The following BRINP3 variants were observed in gnomAD, a reference collection of about 807,000 sequenced individuals.
BRINP3 encodes the protein BMP/retinoic acid-inducible neural-specific protein 3.
A neutral mutation model predicts 71.0 loss-of-function variants in BRINP3; 19 were observed. That is an observed-to-expected ratio of 0.27 (90% CI 0.19 to 0.39). The LOEUF (loss-of-function observed/expected upper bound fraction) is 0.39, where lower values mean the gene tolerates loss of function less well. Ranked by LOEUF, BRINP3 falls within the 10% of genes least tolerant of loss-of-function variation. The pLI is 1.00. For missense variants in BRINP3, 959 were observed against 940.8 expected (o/e 1.02, Z -0.25); for synonymous variants, 380 against 337.7 (o/e 1.13, Z -1.37).
At chr1:190,128,330 T>C (rs1011332584) in intron 7 of BRINP3, among the ~76,000 whole-genome samples, 2 of 151,824 alleles carry the variant, frequency 1.3e-5, no homozygotes, top group African/African-American at 4.8e-5. Flanking sequence ...TTTTTGTAAT[T>C]ACATAACTTC....
chr1:190,143,538 G>A (rs1655635439), intron 7 of BRINP3, among the ~76,000 whole-genome samples: 1 of 152,112 alleles, frequency 6.6e-6, no homozygotes, highest in Admixed American at 6.6e-5. Flanking sequence ...TGTTCTGAGA[G>A]GGATGCTTCA....
chr1:190,134,294 A>G (rs953749558), intron 7 of BRINP3, among the ~76,000 whole-genome samples: 2 of 152,064 alleles, frequency 1.3e-5, no homozygotes, highest in East Asian at 1.9e-4. Flanking sequence ...TAGAGTGCAG[A>G]TGCCTCGGCT....
Position 190,097,928 on chromosome 1 carries a change from A to C in BRINP3, c.*90T>G, listed in dbSNP as rs1651343088. ...GATATAAGACAGATATTGAAAAGAC[A>C]ATTTAAATTTACTCTTCCAAACATA... On this transcript the variant is annotated 3_prime_UTR_variant, in exon 8 of 8. Coordinates refer to ENST00000367462, the MANE Select transcript of BRINP3 (RefSeq NM_199051.3). The C allele has an allele frequency of 1.5e-6, 2 of 1,358,262 alleles. No homozygotes were observed. The highest frequency in any genetic ancestry group is 1.4e-5 in the South Asian group (1 of 70,522). The allele number at this position is 1,358,262 out of a possible 1,614,324, so 84.1% of individuals were successfully genotyped here.
chr1:190,322,210 G>C (rs1666290720), intron 2 of BRINP3, among the ~76,000 whole-genome samples: 1 of 151,876 alleles, frequency 6.6e-6, no homozygotes, highest in South Asian at 2.1e-4. Flanking sequence ...AATTTGTTTT[G>C]CACCTTATCT....
intron 2 of BRINP3, among the ~76,000 whole-genome samples, chr1:190,452,413 C>A (rs1052622435): frequency 2.0e-5 from 3 of 152,166 alleles, no homozygotes; most frequent in African/African-American, 7.2e-5. Context: ...ATAAGTAGCA[C>A]AGGGCTAATG....
rs572838399 is a variant in BRINP3 at position 190,437,199 on chromosome 1, C to T, written c.236+17456G>A. ...TTTTGAAATTTTACTTGTGAAAATACCCGGTTTCTAGTTCTCTTATCCAAC... is the reference window on the plus strand; with the variant it reads ...TTTTGAAATTTTACTTGTGAAAATATCCGGTTTCTAGTTCTCTTATCCAAC... On this transcript the variant is annotated intron_variant, in intron 2 of 7. Coordinates refer to ENST00000367462, the MANE Select transcript of BRINP3 (RefSeq NM_199051.3). 7.9e-5 allele frequency among the ~76,000 whole-genome samples: 12 copies of T among 151,666 alleles called. No homozygotes were observed. In the South Asian group the frequency reaches 2.5e-3, roughly 31 times the overall value.
intron 7 of BRINP3, among the ~76,000 whole-genome samples, chr1:190,132,813 A>G (rs923921901): frequency 3.9e-5 from 6 of 152,138 alleles, no homozygotes; most frequent in Non-Finnish European, 8.8e-5. Flanking sequence ...AAATGACTGT[A>G]ACTTCTGAGA....
rs539010004 is a variant in BRINP3 at position 190,206,335 on chromosome 1, A to C, written c.961+19747T>G. 3.3e-5 allele frequency among the ~76,000 whole-genome samples: 5 copies of C among 152,184 alleles called. No homozygotes were observed. The South Asian group carries it at 8.3e-4, about 25-fold the overall frequency. On this transcript the variant is annotated intron_variant, in intron 6 of 7. Coordinates refer to ENST00000367462, the MANE Select transcript of BRINP3 (RefSeq NM_199051.3). The stretch of plus-strand genomic sequence containing the variant: ...CCTATTCTGCTAAATAAATAAATAA[A>C]TAAATAAATGTCAATGAGCAGTAAG...
At chr1:190,288,794 A>C (rs1663631724) in intron 2 of BRINP3, among the ~76,000 whole-genome samples, 1 of 151,960 alleles carries the variant, frequency 6.6e-6, no homozygotes, top group African/African-American at 2.4e-5. Context: ...ATAAGTAAAA[A>C]TTTACAAAAG....
intron 2 of BRINP3, among the ~76,000 whole-genome samples, chr1:190,310,123 C>T (rs1481313111): frequency 2.7e-5 from 4 of 148,268 alleles, no homozygotes; most frequent in African/African-American, 7.4e-5. Context: ...TTTTTAAGTG[C>T]AGTTCTAACA....
chr1:190,471,873 T>C (rs1677161061), intron 1 of BRINP3, among the ~76,000 whole-genome samples: 3 of 151,448 alleles, frequency 2.0e-5, no homozygotes, highest in African/African-American at 7.2e-5. Context: ...TAACAACTAA[T>C]ATGCCTCAGG....
In BRINP3 at chr1:190,114,565, T is replaced by G. The variant is rs150445418; in HGVS notation, c.1185-15431A>C. Among the ~76,000 whole-genome samples the G allele has an allele frequency of 1.1e-3, 160 of 150,202 alleles. 1 individual carries two copies. Among genetic ancestry groups the G allele is most frequent in the African/African-American group, 3.7e-3 (151 of 40,838 alleles). ...GTGTGTGTGTGTGTGTGTGTGTGCA[T>G]GTGTGTTTGCATTTCTACTGGTCTC... On this transcript the variant is annotated intron_variant, in intron 7 of 7. Coordinates refer to ENST00000367462, the MANE Select transcript of BRINP3 (RefSeq NM_199051.3).
chr1:190,354,997 C>G (rs994302458), intron 2 of BRINP3, among the ~76,000 whole-genome samples: 2 of 151,846 alleles, frequency 1.3e-5, no homozygotes, highest in Admixed American at 6.6e-5. Context: ...TCAGCTACCT[C>G]TATCCTAGTC....
intron 6 of BRINP3, among the ~76,000 whole-genome samples, chr1:190,182,321 G>T (rs190996551): frequency 6.6e-6 from 1 of 152,134 alleles, no homozygotes; most frequent in Non-Finnish European, 1.5e-5. Context: ...TGACAAGAAA[G>T]TTGGATCTTT....
chr1:190,273,389 A>C (rs1366028405), intron 3 of BRINP3, among the ~76,000 whole-genome samples: 1 of 151,588 alleles, frequency 6.6e-6, no homozygotes, highest in African/African-American at 2.4e-5. Context: ...AAATGATTCA[A>C]CATTCTGAGT....
chr1:190,419,690 T>TACACACACACACACACACAC (rs5779528), intron 2 of BRINP3, among the ~76,000 whole-genome samples: 35 of 148,460 alleles, frequency 2.4e-4, no homozygotes, highest in African/African-American at 8.6e-4. Flanking sequence ...TATACATTTA[T>TACACACACACACACACACAC]ACACACACAC....
At chr1:190,216,982 C>T (rs1656472164) in intron 6 of BRINP3, 1 of 151,812 alleles carries the variant, frequency 6.6e-6, no homozygotes, top group African/African-American at 2.4e-5. Context: ...TTTAATTTTT[C>T]ACATTACATT....
intron 7 of BRINP3, among the ~76,000 whole-genome samples, chr1:190,139,314 T>C (rs970877133): frequency 1.3e-5 from 2 of 151,086 alleles, no homozygotes; most frequent in African/African-American, 4.9e-5. Context: ...TAGCCAGGCA[T>C]GGTGGCAGGT....
chr1:190,264,347 G>C (rs1012555229), intron 4 of BRINP3, among the ~76,000 whole-genome samples: 1 of 151,890 alleles, frequency 6.6e-6, no homozygotes, highest in Admixed American at 6.6e-5. Flanking sequence ...GTTATATTTT[G>C]CCTCCTAGAA....
Sources: allele counts gnomAD v4.1 joint callset (sites outside exome capture counted in the v4.1 genomes callset), GRCh38; gene constraint gnomAD v4.1.1; transcripts MANE v1.5; gene names NCBI Gene and HGNC (gene_info 2026-07-23, HGNC 2026-07-21).